SFSWAP: variants seen among roughly 807,000 people sequenced by gnomAD.
SFSWAP encodes the protein splicing factor SWAP.
A neutral mutation model predicts 100.7 loss-of-function variants in SFSWAP; 17 were observed. The ratio of observed to expected loss-of-function variants is 0.17; its 90% confidence interval spans 0.12 to 0.25. The LOEUF (loss-of-function observed/expected upper bound fraction) is 0.25. Ranked by LOEUF, SFSWAP falls within the 10% of genes least tolerant of loss-of-function variation. The pLI, the probability that SFSWAP is intolerant of heterozygous loss-of-function variation, is 1.00. For synonymous variants in SFSWAP, 504 were observed against 510.1 expected (o/e 0.99, Z 0.16); for missense variants, 1,005 against 1,262.6 (o/e 0.80, Z 3.09).
chr12:131,755,490 G>T lies in SFSWAP; in HGVS notation c.1548+11G>T, dbSNP rs904975164. ...GGCGATAGCATGCAGGTACGTGTCT[G>T]AATGCAGGGAGGCTGTGAAGCTCTT... On this transcript the variant is annotated intron_variant, in intron 10 of 17. Transcript: ENST00000261674. 5 of 1,592,018 alleles carry T rather than the reference G, an allele frequency of 3.1e-6. No homozygotes were observed. Among genetic ancestry groups the T allele is most frequent in the Non-Finnish European group, 4.3e-6 (5 of 1,160,474 alleles).
chr12:131,736,042 C>A (rs1879986067), intron 7 of SFSWAP, among the ~76,000 whole-genome samples: 1 of 152,246 alleles, frequency 6.6e-6, no homozygotes, highest in Non-Finnish European at 1.5e-5. Context: ...ATGGCACCAG[C>A]CAACACAGCA....
intron 12 of SFSWAP, among the ~76,000 whole-genome samples, chr12:131,765,518 C>G (rs1197408260): frequency 6.6e-6 from 1 of 152,120 alleles, no homozygotes; most frequent in Non-Finnish European, 1.5e-5. Context: ...CGTGGTGGCA[C>G]ACGCCTGTAA....
At chr12:131,786,723 C>G in intron 15 of SFSWAP, 135 bp downstream of exon 15, 1 of 902,778 alleles carries the variant, frequency 1.1e-6, no homozygotes, top group Non-Finnish European at 1.6e-6. Context: ...CCACCACCCC[C>G]CCACCCCCAG....
At chr12:131,719,864 T>C (rs1878304488) in intron 4 of SFSWAP, among the ~76,000 whole-genome samples, 1 of 152,180 alleles carries the variant, frequency 6.6e-6, no homozygotes, top group African/African-American at 2.4e-5. Context: ...TCCCCACACA[T>C]AGATGTAAAA....
chr12:131,711,108 G>T lies in SFSWAP; in HGVS notation c.-122G>T. The T allele has an allele frequency of 1.3e-6, 1 of 763,552 alleles. No individual in the cohort carries two copies. Among genetic ancestry groups the T allele is most frequent in the Admixed American group, 3.0e-5 (1 of 33,592 alleles). 47.3% of individuals were successfully genotyped at this position (763,552 alleles called of 1,614,324 possible). ...CTCCACCATTTTGTGGCCCGCTATG[G>T]CGGCGGTGTTGAGGTTGGGTACGGG... On this transcript the variant is annotated 5_prime_UTR_variant, in exon 1 of 18. Transcript: ENST00000261674. The surrounding 1 kb of genome is among the most constrained non-coding windows in gnomAD (Gnocchi z 4.9).
At chr12:131,731,684 A>G (rs551103910) in intron 7 of SFSWAP, among the ~76,000 whole-genome samples, 3 of 152,326 alleles carry the variant, frequency 2.0e-5, no homozygotes, top group East Asian at 3.9e-4. Flanking sequence ...CCGTCATGCT[A>G]AAGTTCAAGA....
intron 13 of SFSWAP, among the ~76,000 whole-genome samples, chr12:131,776,895 G>A (rs577921514): frequency 6.6e-6 from 1 of 152,356 alleles, no homozygotes; most frequent in Non-Finnish European, 1.5e-5. Flanking sequence ...GTTGAAGGGT[G>A]CTGTCTCCTG....
chr12:131,790,005 G>A (rs1054430176), intron 15 of SFSWAP, among the ~76,000 whole-genome samples: 2 of 152,168 alleles, frequency 1.3e-5, no homozygotes, highest in African/African-American at 4.8e-5. Flanking sequence ...CTTCTCATTT[G>A]TCTCAGCATC....
chr12:131,784,484 T>G (rs984574797), intron 14 of SFSWAP: 5 of 152,122 alleles, frequency 3.3e-5, no homozygotes, highest in East Asian at 3.9e-4. Flanking sequence ...CTGTTATCAT[T>G]GAAAAAAGTC....
At chr12:131,780,734 A>G (rs1417826680) in intron 14 of SFSWAP, among the ~76,000 whole-genome samples, 1 of 152,228 alleles carries the variant, frequency 6.6e-6, no homozygotes, top group African/African-American at 2.4e-5. Context: ...TACATAGCTG[A>G]AGATAGGCAT....
At chr12:131,787,226 C>G (rs1276155317) in intron 15 of SFSWAP, among the ~76,000 whole-genome samples, 1 of 152,222 alleles carries the variant, frequency 6.6e-6, no homozygotes, top group East Asian at 1.9e-4. Flanking sequence ...CGGGCTCACC[C>G]CTCACTCAGT....
intron 5 of SFSWAP, among the ~76,000 whole-genome samples, chr12:131,726,518 G>A (rs1283469950): frequency 6.6e-6 from 1 of 152,138 alleles, no homozygotes; most frequent in Non-Finnish European, 1.5e-5. Context: ...CCCTTCCACT[G>A]AATTCTGTTC....
At chr12:131,742,525 G>A (rs553112656) in intron 7 of SFSWAP, among the ~76,000 whole-genome samples, 2 of 152,100 alleles carry the variant, frequency 1.3e-5, no homozygotes, top group African/African-American at 4.8e-5. Context: ...ATTCATTTTG[G>A]TAGTTTCCCA....
At chr12:131,749,882 C>T (rs1207099522) in intron 7 of SFSWAP, among the ~76,000 whole-genome samples, 2 of 152,226 alleles carry the variant, frequency 1.3e-5, no homozygotes, top group African/African-American at 4.8e-5. Flanking sequence ...GGTCCCCACG[C>T]GAGCCCAGAG....
chr12:131,795,356 G>A (rs903037891), intron 15 of SFSWAP, among the ~76,000 whole-genome samples: 7 of 152,196 alleles, frequency 4.6e-5, no homozygotes, highest in Admixed American at 1.3e-4. Flanking sequence ...GTCTGCTCAC[G>A]CCCAGAACCA....
intron 7 of SFSWAP, among the ~76,000 whole-genome samples, chr12:131,743,451 T>A (rs1210810243): frequency 6.6e-6 from 1 of 152,226 alleles, no homozygotes; most frequent in African/African-American, 2.4e-5. Flanking sequence ...GTCCAAAATC[T>A]AGCAAGGCAG....
At chr12:131,791,748 C>CA (rs1039039479) in intron 15 of SFSWAP, among the ~76,000 whole-genome samples, 1 of 152,074 alleles carries the variant, frequency 6.6e-6, no homozygotes, top group Non-Finnish European at 1.5e-5. Flanking sequence ...TCTCAAAAAA[C>CA]AAAAAGAAAG....
At chr12:131,739,078 A>G (rs892107606) in intron 7 of SFSWAP, among the ~76,000 whole-genome samples, 6 of 151,704 alleles carry the variant, frequency 4.0e-5, no homozygotes, top group African/African-American at 7.3e-5. Context: ...GGGTCTTGCT[A>G]TGTTGCCCAG....
chr12:131,729,393 A>G (rs949901977), intron 7 of SFSWAP, among the ~76,000 whole-genome samples: 4 of 152,000 alleles, frequency 2.6e-5, no homozygotes, highest in Admixed American at 1.3e-4. Flanking sequence ...GGTCTGAGCT[A>G]CTTGGGAGGC....
Sources: gnomAD v4.1 joint callset for allele counts (sites outside exome capture counted in the v4.1 genomes callset) on GRCh38, gnomAD v4.1.1 for gene constraint, Gnocchi (gnomAD v3.1) non-coding constraint, MANE v1.5 for transcripts, NCBI Gene and HGNC (gene_info 2026-07-23, HGNC 2026-07-21) for gene names.